The following PLD5 variants were observed in gnomAD, a reference collection of about 807,000 sequenced individuals.
The protein encoded by PLD5 is phospholipase D family member 5.
PLD5 carries 36 observed loss-of-function variants against 61.1 expected under a neutral mutation model. The observed-to-expected ratio is 0.59, with a 90% CI of 0.45 to 0.78. PLD5 has a LOEUF of 0.78. PLD5 is among the 30% of genes least tolerant of loss of function. The pLI is 0.00. For missense variants in PLD5, 515 were observed against 644.4 expected (o/e 0.80, Z 2.17); for synonymous variants, 243 against 242.8 (o/e 1.00, Z -0.01).
intron 1 of PLD5, among the ~76,000 whole-genome samples, chr1:242,424,515 A>G (rs1665311159): frequency 6.6e-6 from 1 of 151,758 alleles, no homozygotes; most frequent in African/African-American, 2.4e-5. Context: ...CCTTTTCCCA[A>G]ACTTATTCCA....
chr1:242,298,389 C>T (rs1250803140), intron 2 of PLD5, among the ~76,000 whole-genome samples: 1 of 152,180 alleles, frequency 6.6e-6, no homozygotes, highest in Non-Finnish European at 1.5e-5. Context: ...GCATCGTCAA[C>T]AACAACCCTG....
chr1:242,142,467 C>CGT (rs1384440542), intron 5 of PLD5, among the ~76,000 whole-genome samples: 1 of 152,122 alleles, frequency 6.6e-6, no homozygotes, highest in Non-Finnish European at 1.5e-5. Flanking sequence ...ATGGGAGCAA[C>CGT]GTACATATTC....
intron 9 of PLD5, among the ~76,000 whole-genome samples, chr1:242,100,301 G>A (rs1281415433): frequency 6.6e-6 from 1 of 152,198 alleles, no homozygotes; most frequent in Non-Finnish European, 1.5e-5. Context: ...CATCACTCAT[G>A]TCAGGCTGGC....
At chr1:242,348,847 G>A (rs1178367108) in intron 1 of PLD5, among the ~76,000 whole-genome samples, 1 of 152,176 alleles carries the variant, frequency 6.6e-6, no homozygotes. Context: ...GAGGTCAGGA[G>A]ATCAAGACCG....
chr1:242,517,790 T>C (rs1669150913), intron 1 of PLD5, among the ~76,000 whole-genome samples: 2 of 152,210 alleles, frequency 1.3e-5, no homozygotes, highest in Non-Finnish European at 2.9e-5. Context: ...ATATGTCAAA[T>C]AAGTGCTTGT....
At chr1:242,459,327 A>C (rs893632075) in intron 1 of PLD5, among the ~76,000 whole-genome samples, 1 of 152,188 alleles carries the variant, frequency 6.6e-6, no homozygotes, top group Non-Finnish European at 1.5e-5. Flanking sequence ...TCTCAAGCAC[A>C]CTTACCTGCT....
chr1:242,444,117 T>C (rs182940615), intron 1 of PLD5, among the ~76,000 whole-genome samples: 11 of 152,316 alleles, frequency 7.2e-5, no homozygotes, highest in African/African-American at 2.4e-4. Context: ...TTCCTTCCTA[T>C]AAGACCACAG....
At chr1:242,389,125 G>A (rs1419005167) in intron 1 of PLD5, among the ~76,000 whole-genome samples, 1 of 151,804 alleles carries the variant, frequency 6.6e-6, no homozygotes, top group Admixed American at 6.6e-5. Flanking sequence ...GAGGTCACCA[G>A]GCATAATAAC....
intron 5 of PLD5, among the ~76,000 whole-genome samples, chr1:242,157,114 C>A (rs1665436150): frequency 6.6e-6 from 1 of 152,084 alleles, no homozygotes; most frequent in Non-Finnish European, 1.5e-5. Context: ...GATCTTCAAT[C>A]TCTGATATCT....
chr1:242,241,650 G>A (rs1672012868), intron 4 of PLD5, among the ~76,000 whole-genome samples: 1 of 151,820 alleles, frequency 6.6e-6, no homozygotes, highest in South Asian at 2.1e-4. Flanking sequence ...ATAATTCAGA[G>A]GCCTGGAAAC....
At chr1:242,200,697 T>C (rs1668934562) in intron 5 of PLD5, among the ~76,000 whole-genome samples, 2 of 152,138 alleles carry the variant, frequency 1.3e-5, no homozygotes, top group African/African-American at 4.8e-5. Context: ...TGTTAACTGA[T>C]GGAATAATTC....
chr1:242,275,468 A>G (rs1202109626), intron 3 of PLD5, among the ~76,000 whole-genome samples: 2 of 152,168 alleles, frequency 1.3e-5, no homozygotes, highest in Non-Finnish European at 2.9e-5. Context: ...TTCCTTGTAT[A>G]TTTGTCAGTG....
At chr1:242,099,313 G>T (rs557556084) in intron 9 of PLD5, among the ~76,000 whole-genome samples, 208 of 151,960 alleles carry the variant, frequency 1.4e-3, no homozygotes, top group Non-Finnish European at 2.2e-3. Context: ...TTTTAGTAAC[G>T]ACAGGTTTTC....
At chr1:242,158,052 T>C (rs1450419253) in intron 5 of PLD5, among the ~76,000 whole-genome samples, 8 of 152,140 alleles carry the variant, frequency 5.3e-5, no homozygotes, top group Admixed American at 5.2e-4. Context: ...CTTCCTGAGC[T>C]CTGGTGGGCT....
chr1:242,492,437 G>A lies in PLD5; in HGVS notation c.189+31651C>T, dbSNP rs575632531. Among the ~76,000 whole-genome samples the A allele has an allele frequency of 2.4e-3, 355 of 150,884 alleles. 1 individual carries two copies. Among genetic ancestry groups the A allele is most frequent in the African/African-American group, 8.1e-3 (332 of 40,978 alleles). The stretch of plus-strand genomic sequence containing the variant: ...CTCAGGAGATTGAGGCAGGACAATC[G>A]CTTGAGCCCGGGAGGCAGAGGTTTC... On this transcript the variant is annotated intron_variant, in intron 1 of 9. Transcript: ENST00000536534.
chr1:242,405,824 A>G (rs1031493613), intron 1 of PLD5, among the ~76,000 whole-genome samples: 1 of 150,892 alleles, frequency 6.6e-6, no homozygotes, highest in African/African-American at 2.4e-5. Flanking sequence ...CTGGGCTCAA[A>G]CTCCTGACCT....
At chr1:242,424,007 A>G (rs1665286126) in intron 1 of PLD5, among the ~76,000 whole-genome samples, 1 of 152,072 alleles carries the variant, frequency 6.6e-6, no homozygotes, top group African/African-American at 2.4e-5. Flanking sequence ...ACGTTTCTTC[A>G]TATGTAAAAA....
At chr1:242,267,642 G>C (rs1047183686) in intron 3 of PLD5, among the ~76,000 whole-genome samples, 1 of 151,756 alleles carries the variant, frequency 6.6e-6, no homozygotes, top group Non-Finnish European at 1.5e-5. Flanking sequence ...TGCTTTGGGA[G>C]GCCAAGGTGG....
At chr1:242,152,403 T>C (rs1213759151) in intron 5 of PLD5, among the ~76,000 whole-genome samples, 2 of 152,120 alleles carry the variant, frequency 1.3e-5, no homozygotes, top group African/African-American at 4.8e-5. Context: ...ATGTACAGAA[T>C]GTGCAGTATT....
Sources: allele counts gnomAD v4.1 joint callset (sites outside exome capture counted in the v4.1 genomes callset), GRCh38; gene constraint gnomAD v4.1.1; transcripts MANE v1.5; gene names NCBI Gene and HGNC (gene_info 2026-07-23, HGNC 2026-07-21).